The following CNTN6 variants were observed in gnomAD, a reference collection of about 807,000 sequenced individuals.
CNTN6 encodes the protein contactin-6.
CNTN6 carries 137 observed loss-of-function variants against 122.8 expected under a neutral mutation model. The observed-to-expected ratio is 1.12, with a 90% CI of 0.97 to 1.29. The LOEUF (loss-of-function observed/expected upper bound fraction) is 1.29, where lower values mean the gene tolerates loss of function less well. Among genes scored for constraint, CNTN6 ranks in the 50% most tolerant of loss-of-function variants. The pLI is 0.00. For missense variants in CNTN6, 1,634 were observed against 1,223.4 expected (o/e 1.34, Z -5.01); for synonymous variants, 570 against 426.0 (o/e 1.34, Z -4.16).
In CNTN6 at chr3:1,171,795, CAG is replaced by C. The variant is rs557468331; in HGVS notation, c.55+23737_55+23738del. Among the ~76,000 whole-genome samples, 17 of 152,144 alleles carry C rather than the reference CAG, an allele frequency of 1.1e-4. No homozygotes were observed. The East Asian group carries it at 2.9e-3, about 26-fold the overall frequency. Reference sequence around the variant, plus strand: ...CTAGTTTTTTAATTTTTTGCAGAGACAGAGAGTCCCCATGTTGCCTAGGCTGG... The same window carrying C: ...CTAGTTTTTTAATTTTTTGCAGAGACAGAGTCCCCATGTTGCCTAGGCTGG... On this transcript the variant is annotated intron_variant, in intron 2 of 22. Coordinates refer to ENST00000446702, the MANE Select transcript of CNTN6 (RefSeq NM_001289080.2).
In CNTN6 at chr3:1,319,936, T is replaced by C. The variant is rs998696581; in HGVS notation, c.762-1714T>C. ...CTTCACATGCAATACATACAACATA[T>C]GCATTTTTAATTGAATAATACCTCA... is the stretch of plus-strand genomic sequence containing the variant. On this transcript the variant is annotated intron_variant, in intron 7 of 22. Coordinates refer to ENST00000446702, the MANE Select transcript of CNTN6 (RefSeq NM_001289080.2). Among the ~76,000 whole-genome samples the C allele has an allele frequency of 3.4e-4, 51 of 151,714 alleles. 1 individual carries two copies. Among genetic ancestry groups the C allele is most frequent in the Non-Finnish European group, 3.1e-4 (21 of 67,778 alleles).
At chr3:1,354,551 G>T (rs1189761923) in intron 12 of CNTN6, among the ~76,000 whole-genome samples, 3 of 150,450 alleles carry the variant, frequency 2.0e-5, no homozygotes, top group Non-Finnish European at 4.4e-5. Context: ...ACTTATTATG[G>T]TTTTTTTTCT....
At chr3:1,295,450 A>C (rs1696045760) in intron 5 of CNTN6, 151 bp from the exon 6 acceptor site, 1 of 616,798 alleles carries the variant, frequency 1.6e-6, no homozygotes, top group Non-Finnish European at 2.8e-6. Flanking sequence ...GGAATATTAC[A>C]ATTACACCAG....
intron 4 of CNTN6, among the ~76,000 whole-genome samples, chr3:1,254,658 TA>T (rs1445205993): frequency 6.6e-6 from 1 of 152,180 alleles, no homozygotes; most frequent in East Asian, 1.9e-4. Flanking sequence ...ATGTACAGCA[TA>T]AAAAATGTAA....
chr3:1,224,599 C>A (rs575944415), intron 3 of CNTN6, among the ~76,000 whole-genome samples: 3 of 152,210 alleles, frequency 2.0e-5, no homozygotes, highest in Non-Finnish European at 2.9e-5. Context: ...GAAACACATT[C>A]TTTCAGCAAA....
chr3:1,297,373 A>G (rs1374131295), intron 6 of CNTN6, among the ~76,000 whole-genome samples: 1 of 152,194 alleles, frequency 6.6e-6, no homozygotes, highest in Non-Finnish European at 1.5e-5. Flanking sequence ...TATTTACAAT[A>G]GGTTATACCA....
intron 4 of CNTN6, among the ~76,000 whole-genome samples, chr3:1,275,575 A>C (rs1254426090): frequency 1.3e-5 from 2 of 152,206 alleles, no homozygotes; most frequent in Non-Finnish European, 2.9e-5. Context: ...CATCAGGTTT[A>C]CATTCATACC....
chr3:1,329,758 C>T, intron 10 of CNTN6, 27 bp from the exon 11 acceptor site: 7 of 1,593,262 alleles, frequency 4.4e-6, no homozygotes, highest in South Asian at 2.3e-5. Flanking sequence ...AGTAATTAAA[C>T]AATTTTGTCT....
intron 8 of CNTN6, among the ~76,000 whole-genome samples, chr3:1,322,555 A>G (rs937960068): frequency 1.3e-5 from 2 of 151,748 alleles, no homozygotes; most frequent in Non-Finnish European, 1.5e-5. Context: ...ATTTTTAAAA[A>G]GTATTGATAT....
intron 2 of CNTN6, among the ~76,000 whole-genome samples, chr3:1,218,718 A>G (rs1575285335): frequency 6.6e-6 from 1 of 152,204 alleles, no homozygotes; most frequent in East Asian, 1.9e-4. Context: ...TGAACACATC[A>G]CACACGTATA....
At chr3:1,232,649 C>CT (rs1446374334) in intron 4 of CNTN6, among the ~76,000 whole-genome samples, 1 of 152,096 alleles carries the variant, frequency 6.6e-6, no homozygotes, top group Non-Finnish European at 1.5e-5. Flanking sequence ...AATCACACAC[C>CT]GTATGTGGGA....
intron 2 of CNTN6, among the ~76,000 whole-genome samples, chr3:1,150,321 A>T (rs2092812552): frequency 6.6e-6 from 1 of 152,208 alleles, no homozygotes; most frequent in Non-Finnish European, 1.5e-5. Context: ...AATGCCAGCA[A>T]ATCTTTCACA....
In CNTN6 at chr3:1,253,249, G is replaced by C. The variant is rs144613392; in HGVS notation, c.359-25164G>C. The stretch of plus-strand genomic sequence containing the variant: ...TTGTGACACCATGTCCTTTACCCTT[G>C]TGTTTTTGAAAGCAAAAGAAGAAAC... On this transcript the variant is annotated intron_variant, in intron 4 of 22. Transcript: ENST00000446702. Among the ~76,000 whole-genome samples the C allele has an allele frequency of 6.6e-5, 10 of 152,182 alleles. No individual in the cohort carries two copies. In the East Asian group the frequency reaches 1.9e-3, roughly 29 times the overall value.
At chr3:1,300,574 AAAGAAAG>A (rs146714043) in intron 7 of CNTN6, among the ~76,000 whole-genome samples, 59,140 of 118,132 alleles carry the variant, frequency 0.5, 14,583 homozygotes, top group East Asian at 0.78. Flanking sequence ...AGAAAGAAAG[AAAGAAAG>A]AAAGAAAGAA....
At chr3:1,211,837 A>G (rs1053021325) in intron 2 of CNTN6, among the ~76,000 whole-genome samples, 4 of 152,206 alleles carry the variant, frequency 2.6e-5, no homozygotes, top group South Asian at 2.1e-4. Flanking sequence ...GAGAAACACC[A>G]GAGCCCAAGA....
intron 7 of CNTN6, among the ~76,000 whole-genome samples, chr3:1,302,211 A>G (rs1487472448): frequency 2.0e-5 from 3 of 152,150 alleles, no homozygotes; most frequent in African/African-American, 7.2e-5. Context: ...ACATCTCTTC[A>G]TAAAAATATT....
chr3:1,151,602 T>C (rs987397378), intron 2 of CNTN6, among the ~76,000 whole-genome samples: 5 of 152,156 alleles, frequency 3.3e-5, no homozygotes, highest in African/African-American at 9.7e-5. Flanking sequence ...TCAACAAATA[T>C]AGAAATATAT....
chr3:1,370,740 C>T (rs1309860353), intron 12 of CNTN6, among the ~76,000 whole-genome samples: 4 of 151,982 alleles, frequency 2.6e-5, no homozygotes, highest in Admixed American at 1.3e-4. Flanking sequence ...GCCAGCTACT[C>T]AGGAGGCTGA....
chr3:1,117,631 T>C (rs73816480), intron 1 of CNTN6, among the ~76,000 whole-genome samples: 3,212 of 152,282 alleles, frequency 0.021, 112 homozygotes, highest in African/African-American at 0.074. Flanking sequence ...CAGATACTAC[T>C]GGAGAGTTCC....
Sources: gnomAD v4.1 joint callset for allele counts (sites outside exome capture counted in the v4.1 genomes callset) on GRCh38, gnomAD v4.1.1 for gene constraint, MANE v1.5 for transcripts, NCBI Gene and HGNC (gene_info 2026-07-23, HGNC 2026-07-21) for gene names.